The following FRAS1 variants were observed in gnomAD, a reference collection of about 807,000 sequenced individuals.
FRAS1 encodes the protein extracellular matrix organizing protein FRAS1.
Under a neutral mutation model 435.2 loss-of-function variants are expected in FRAS1, and 290 were observed. The ratio of observed to expected loss-of-function variants is 0.67; its 90% CI spans 0.61 to 0.73. The LOEUF (loss-of-function observed/expected upper bound fraction) is 0.73. FRAS1 is among the 30% of genes least tolerant of loss of function. FRAS1 has a pLI of 0.00. For missense variants in FRAS1, 4,860 were observed against 5,001.5 expected (o/e 0.97, Z 0.85); for synonymous variants, 1,800 against 1,851.0 (o/e 0.97, Z 0.71).
intron 2 of FRAS1, among the ~76,000 whole-genome samples, chr4:78,179,140 C>G (rs1310708044): frequency 6.6e-6 from 1 of 152,096 alleles, no homozygotes; most frequent in African/African-American, 2.4e-5. Context: ...TCTGGTGTTG[C>G]AGTTGTGGAT....
chr4:78,317,230 C>A lies in FRAS1; in HGVS notation c.1820-138C>A, dbSNP rs932698778. 3 of 940,600 alleles carry A rather than the reference C, an allele frequency of 3.2e-6. No homozygotes were observed. The Admixed American group carries it at 5.9e-5, about 19-fold the overall frequency. 58.3% of individuals were successfully genotyped at this position (940,600 alleles called of 1,614,324 possible). ...TGGGCAGTTCTGGCAGTGTAACCAC[C>A]TCCTAACACATTTTCCCCTTGGTTT... On this transcript the variant is annotated intron_variant, in intron 16 of 73. Transcript: ENST00000512123.
chr4:78,093,656 T>G (rs1432408885), intron 2 of FRAS1, among the ~76,000 whole-genome samples: 1 of 152,150 alleles, frequency 6.6e-6, no homozygotes, highest in Non-Finnish European at 1.5e-5. Flanking sequence ...TAAGGAACCA[T>G]CTGCTGTAAG....
intron 2 of FRAS1, among the ~76,000 whole-genome samples, chr4:78,208,757 G>A (rs1723373804): frequency 6.6e-6 from 1 of 151,934 alleles, no homozygotes; most frequent in African/African-American, 2.4e-5. Context: ...TATCACACAA[G>A]TAATACATGC....
At chr4:78,076,776 A>G (rs574158685) in intron 2 of FRAS1, among the ~76,000 whole-genome samples, 1 of 152,316 alleles carries the variant, frequency 6.6e-6, no homozygotes, top group East Asian at 1.9e-4. Context: ...AGATAACTCA[A>G]GTGCATAGGA....
chr4:78,300,750 C>A (rs1354811608), intron 14 of FRAS1, among the ~76,000 whole-genome samples: 1 of 152,106 alleles, frequency 6.6e-6, no homozygotes, highest in Non-Finnish European at 1.5e-5. Context: ...CCTATGGCTG[C>A]AGCCATGATT....
chr4:78,213,829 T>C (rs920119432), intron 2 of FRAS1, among the ~76,000 whole-genome samples: 5 of 152,220 alleles, frequency 3.3e-5, no homozygotes, highest in African/African-American at 1.2e-4. Flanking sequence ...TTTGTTCAGT[T>C]TTCATTGGTC....
intron 2 of FRAS1, among the ~76,000 whole-genome samples, chr4:78,132,659 AT>A (rs1302918520): frequency 6.6e-6 from 1 of 152,162 alleles, no homozygotes; most frequent in African/African-American, 2.4e-5. Flanking sequence ...ATGCAGAGAG[AT>A]TTTCCTGGGA....
chr4:78,077,963 A>C (rs370752054), intron 2 of FRAS1, among the ~76,000 whole-genome samples: 23 of 151,952 alleles, frequency 1.5e-4, no homozygotes, highest in African/African-American at 5.6e-4. Flanking sequence ...CCATGAATCC[A>C]AGTAATTCCA....
At position 78,482,676 on chromosome 4, in the gene FRAS1, A is replaced by G. The variant is rs1312935465; in HGVS notation, c.8752+141A>G. The G allele has an allele frequency of 1.6e-5, 13 of 829,080 alleles. No individual in the cohort carries two copies. In the Admixed American group the frequency reaches 3.6e-4, roughly 23 times the overall value. The allele number at this position is 829,080 out of a possible 1,614,324, so 51.4% of individuals were successfully genotyped here. ...TAGATGTGTATACGTGAGCATTTGC[A>G]CTTTTACATAGCAGAGTATGTAGAT... On this transcript the variant is annotated intron_variant, in intron 58 of 73. Transcript: ENST00000512123.
In FRAS1 at chr4:78,441,258, G is replaced by T; in HGVS notation, c.5626G>T (p.Ala1876Ser). ...GAGAGATGCCATCATTAAACTAAGT[G>T]CTCTGCCCAAATATGGCTGCATTGA... ...LQRDAIIKLS[A>S]LPKYGCIENT... The change falls in exon 41 of 74, where the codon GCT (alanine) becomes TCT (serine). Residue 1876 changes from alanine to serine, a missense_variant. By Grantham distance (99) the Ala-to-Ser change is moderately conservative. Transcript: ENST00000512123. The T allele has an allele frequency of 6.2e-7, 1 of 1,613,414 alleles. No homozygotes were observed. Among genetic ancestry groups the T allele is most frequent in the Non-Finnish European group, 8.5e-7 (1 of 1,179,640 alleles).
In FRAS1 at chr4:78,541,885, A is replaced by G. The variant is rs975095044; in HGVS notation, c.*761A>G. The stretch of plus-strand genomic sequence containing the variant: ...CACCCCAGGGAGGTGTCTGTTCCCA[A>G]CTAGTTTATGTGGCACTGAGACATC... On this transcript the variant is annotated 3_prime_UTR_variant, in exon 74 of 74. Coordinates refer to ENST00000512123, the MANE Select transcript of FRAS1 (RefSeq NM_025074.7). 7.9e-5 allele frequency: 12 copies of G among 152,166 alleles called. No individual in the cohort carries two copies. Among genetic ancestry groups the G allele is most frequent in the Non-Finnish European group, 4.4e-5 (3 of 68,032 alleles). 9.4% of individuals were successfully genotyped at this position (152,166 alleles called of 1,614,324 possible). A position where few individuals can be genotyped will look rare whatever the true frequency, so the allele number is the denominator to read the frequency against.
At chr4:78,212,887 T>C (rs755925911) in intron 2 of FRAS1, among the ~76,000 whole-genome samples, 55 of 152,142 alleles carry the variant, frequency 3.6e-4, no homozygotes, top group Non-Finnish European at 7.4e-4. Context: ...GGAAGCAAAG[T>C]TGAGCAGAGA....
chr4:78,223,377 G>A (rs890287099), intron 2 of FRAS1, among the ~76,000 whole-genome samples: 2 of 152,152 alleles, frequency 1.3e-5, no homozygotes, highest in Non-Finnish European at 2.9e-5. Flanking sequence ...TTGTAAACTA[G>A]TTATGAATGA....
rs776718523 is a variant in FRAS1, at chr4:78,363,980, T to G, written c.2648T>G (p.Val883Gly). ...FSCSSCDTNL[V>G]LSHTGTCSTT... is the part of the protein sequence containing the mutation. Reference sequence around the variant, plus strand: ...TGCTCCTCATGTGACACCAACCTCGTGCTGTCCCACACTGGCACCTGCAGC... The same window carrying G: ...TGCTCCTCATGTGACACCAACCTCGGGCTGTCCCACACTGGCACCTGCAGC... The change falls in exon 22 of 74, where the codon GTG becomes GGG. Residue 883 changes from valine to glycine, a missense_variant. Physicochemically the swap from Val to Gly is moderately radical, Grantham distance 109. Coordinates refer to ENST00000512123, the MANE Select transcript of FRAS1 (RefSeq NM_025074.7). 2 of 1,612,202 alleles carry G rather than the reference T, an allele frequency of 1.2e-6. No individual in the cohort carries two copies. Among genetic ancestry groups the G allele is most frequent in the African/African-American group, 2.7e-5 (2 of 74,914 alleles).
chr4:78,165,615 C>T (rs1721303852), intron 2 of FRAS1, among the ~76,000 whole-genome samples: 1 of 152,176 alleles, frequency 6.6e-6, no homozygotes, highest in African/African-American at 2.4e-5. Context: ...ACTCTGGAGG[C>T]ATCTATGGGT....
At position 78,282,870 on chromosome 4, in the gene FRAS1, G is replaced by A; in HGVS notation, c.1158G>A (p.Gly386=). The change falls in exon 12 of 74, where the codon GGG becomes GGA. Residue 386 remains glycine, a synonymous_variant. Transcript: ENST00000512123. ...CTTGCAAGGTGTGTGAGTGCCGAGG[G>A]GCTCAGGTAACTTGCTACGAGCCCT... ...DGPCKVCECR[G]AQVTCYEPSC... is the part of the protein sequence containing the mutation. 1.2e-6 allele frequency: 2 copies of A among 1,612,884 alleles called. No homozygotes were observed. The highest frequency in any genetic ancestry group is 1.7e-6 in the Non-Finnish European group (2 of 1,179,626).
In FRAS1 at chr4:78,374,164, AAAGGGCCATTTCTCCTCTTGG is replaced by A. The variant is rs1731659836; in HGVS notation, c.3068_3088del (p.Gly1023_Glu1029del). On this transcript the variant is annotated inframe_deletion, in exon 25 of 74. Transcript: ENST00000512123. ...AGGTCCCCATGAGTGTACCCGCTGC[AAAGGGCCATTTCTCCTCTTGG>A]AAGCCCAGTGTGTCCAGGAATGTGG... 6.2e-7 allele frequency: 1 copy of A among 1,606,076 alleles called. No individual in the cohort carries two copies. Among genetic ancestry groups the A allele is most frequent in the Non-Finnish European group, 8.5e-7 (1 of 1,174,394 alleles).
chr4:78,233,255 C>G (rs2110110348), intron 2 of FRAS1, among the ~76,000 whole-genome samples: 1 of 152,322 alleles, frequency 6.6e-6, no homozygotes, highest in East Asian at 1.9e-4. Context: ...GCTGGCGTGG[C>G]CAACCAATGT....
At chr4:78,364,389 A>G (rs1731187475) in intron 22 of FRAS1, among the ~76,000 whole-genome samples, 1 of 152,172 alleles carries the variant, frequency 6.6e-6, no homozygotes, top group Admixed American at 6.5e-5. Flanking sequence ...TTTCTCAGCA[A>G]TCCCATTCTA....
Sources: allele counts gnomAD v4.1 joint callset (sites outside exome capture counted in the v4.1 genomes callset), GRCh38; gene constraint gnomAD v4.1.1; transcripts MANE v1.5; gene names NCBI Gene and HGNC (gene_info 2026-07-23, HGNC 2026-07-21).